Variants in OR56A4 observed in about 807,000 individuals in gnomAD.
The protein encoded by OR56A4 is olfactory receptor 56A4.
In OR56A4, 9 loss-of-function variants were observed where a neutral mutation model predicts 13.6. The ratio of observed to expected loss-of-function variants is 0.66; its 90% CI spans 0.40 to 1.15. The LOEUF is 1.15. Among genes scored for constraint, OR56A4 ranks in the 50% most tolerant of loss-of-function variants. The pLI, the probability that OR56A4 is intolerant of heterozygous loss-of-function variation, is 0.01. For synonymous variants in OR56A4, 167 were observed against 153.9 expected (o/e 1.08, Z -0.63); for missense variants, 380 against 375.9 (o/e 1.01, Z -0.09).
In OR56A4 at chr11:6,002,684, C is replaced by G. The variant is rs1461141809; in HGVS notation, c.309G>C (p.Gln103His). 2 of 1,614,236 alleles carry G rather than the reference C, an allele frequency of 1.2e-6. No individual in the cohort carries two copies. ...RSISFPACFL[Q>H]MFIMNSFLTM... is the part of the protein sequence containing the mutation. ...TCAAAAAACTGTTCATGATGAACAT[C>G]TGGAGGAAGCAGGCTGGGAAGCTGA... Residue 103 changes from glutamine to histidine, a missense_variant, in exon 3 of 3, where the codon CAG (glutamine) becomes CAC (histidine). Coordinates refer to ENST00000641156, the MANE Select transcript of OR56A4 (RefSeq NM_001005179.4).
rs1052345269 is a variant in OR56A4, at chr11:6,000,563, T to G, written c.*1488A>C. 1.3e-5 allele frequency: 2 copies of G among 152,092 alleles called. No homozygotes were observed. Among genetic ancestry groups the G allele is most frequent in the Non-Finnish European group, 2.9e-5 (2 of 68,026 alleles). 9.4% of individuals were successfully genotyped at this position (152,092 alleles called of 1,614,324 possible). A position where few individuals can be genotyped will look rare whatever the true frequency, so the allele number is the denominator to read the frequency against. ...CGCCAACATGGCACATGTATACATA[T>G]GTAACAAACCTGCACATTGTGCACA... On this transcript the variant is annotated 3_prime_UTR_variant, in exon 3 of 3. Transcript: ENST00000641156.
intron 2 of OR56A4, among the ~76,000 whole-genome samples, chr11:6,005,974 T>A (rs1450074969): frequency 2.6e-5 from 4 of 152,206 alleles, no homozygotes; most frequent in African/African-American, 9.7e-5. Flanking sequence ...GGGAGGCTTT[T>A]TGGAGAGTCC....
intron 2 of OR56A4, among the ~76,000 whole-genome samples, chr11:6,005,031 T>C (rs1056867855): frequency 6.6e-6 from 1 of 151,992 alleles, no homozygotes; most frequent in Admixed American, 6.6e-5. Context: ...AATGAAGCAG[T>C]GTAATGTGGT....
At chr11:6,004,706 A>G (rs527977286) in intron 2 of OR56A4, among the ~76,000 whole-genome samples, 1 of 152,332 alleles carries the variant, frequency 6.6e-6, no homozygotes, top group East Asian at 1.9e-4. Context: ...CTGATTAGGA[A>G]AATGACCCTC....
intron 2 of OR56A4, among the ~76,000 whole-genome samples, chr11:6,004,424 C>A (rs560863977): frequency 7.2e-5 from 11 of 152,258 alleles, no homozygotes; most frequent in African/African-American, 2.4e-4. Flanking sequence ...TGATCTTTCA[C>A]CCCTGTCCCA....
At chr11:6,005,275 G>T (rs1412725922) in intron 2 of OR56A4, among the ~76,000 whole-genome samples, 2 of 152,132 alleles carry the variant, frequency 1.3e-5, no homozygotes, top group East Asian at 3.9e-4. Flanking sequence ...AAAAAATGAG[G>T]TAACATTTCG....
chr11:6,005,222 G>A (rs1042653147), intron 2 of OR56A4, among the ~76,000 whole-genome samples: 1 of 152,120 alleles, frequency 6.6e-6, no homozygotes, highest in Non-Finnish European at 1.5e-5. Flanking sequence ...CTGAAGTTCT[G>A]TTAGGTCAAA....
chr11:6,005,400 C>T (rs777427136), intron 2 of OR56A4, among the ~76,000 whole-genome samples: 2 of 152,148 alleles, frequency 1.3e-5, no homozygotes, highest in African/African-American at 2.4e-5. Flanking sequence ...ATCCCAAGTT[C>T]TTTGGGGAAA....
In OR56A4 at chr11:6,001,508, A is replaced by C. The variant is rs959747162; in HGVS notation, c.*543T>G. The C allele has an allele frequency of 6.6e-6, 1 of 152,554 alleles. No homozygotes were observed. Among genetic ancestry groups the C allele is most frequent in the Non-Finnish European group, 1.5e-5 (1 of 68,336 alleles). 9.5% of individuals were successfully genotyped at this position (152,554 alleles called of 1,614,324 possible). ...AGAATTTTAGGAGCCAGTGAATAGC[A>C]CATCTGCCTCAGGTGCCATGGAAGA... On this transcript the variant is annotated 3_prime_UTR_variant, in exon 3 of 3. Coordinates refer to ENST00000641156, the MANE Select transcript of OR56A4 (RefSeq NM_001005179.4).
chr11:6,000,455 G>C lies in OR56A4; in HGVS notation c.*1596C>G, dbSNP rs1177038932. The C allele has an allele frequency of 2.0e-5, 3 of 152,188 alleles. No homozygotes were observed. The highest frequency in any genetic ancestry group is 7.2e-5 in the African/African-American group (3 of 41,426). The allele number at this position is 152,188 out of a possible 1,614,324, so 9.4% of individuals were successfully genotyped here. A position where few individuals can be genotyped will look rare whatever the true frequency, so the allele number is the denominator to read the frequency against. ...AGGAAGGGGAACATCACACACCGGG[G>C]ACTGTTGTGGGTTAGGGGGAGTGGG... On this transcript the variant is annotated 3_prime_UTR_variant, in exon 3 of 3. Coordinates refer to ENST00000641156, the MANE Select transcript of OR56A4 (RefSeq NM_001005179.4).
Position 6,001,934 on chromosome 11 carries a change from T to A in OR56A4, c.*117A>T, listed in dbSNP as rs1848215315. 9.8e-7 allele frequency: 1 copy of A among 1,022,798 alleles called. No individual in the cohort carries two copies. Among genetic ancestry groups the A allele is most frequent in the African/African-American group, 1.6e-5 (1 of 62,004 alleles). The allele number at this position is 1,022,798 out of a possible 1,614,324, so 63.4% of individuals were successfully genotyped here. A position where few individuals can be genotyped will look rare whatever the true frequency, so the allele number is the denominator to read the frequency against. ...GCCTGAGATATTGAGAACAGAAGAATCCGAACTCAGGCAGGATTTAAAGTG... is the reference window on the plus strand; with the variant it reads ...GCCTGAGATATTGAGAACAGAAGAAACCGAACTCAGGCAGGATTTAAAGTG... On this transcript the variant is annotated 3_prime_UTR_variant, in exon 3 of 3. Coordinates refer to ENST00000641156, the MANE Select transcript of OR56A4 (RefSeq NM_001005179.4).
intron 2 of OR56A4, chr11:6,003,328 T>C (rs2133574551): frequency 2.1e-6 from 1 of 481,794 alleles, no homozygotes; most frequent in East Asian, 3.2e-5. Context: ...CCACGCAGTT[T>C]AAAAACCAGC....
intron 2 of OR56A4, among the ~76,000 whole-genome samples, chr11:6,005,487 G>T (rs978360701): frequency 6.6e-6 from 1 of 152,196 alleles, no homozygotes; most frequent in Admixed American, 6.5e-5. Context: ...TTAGAAGTCT[G>T]TCTGATGGTA....
chr11:6,004,331 C>G (rs1448068561), intron 2 of OR56A4, among the ~76,000 whole-genome samples: 1 of 151,366 alleles, frequency 6.6e-6, no homozygotes, highest in Non-Finnish European at 1.5e-5. Context: ...TCCGGCCTGG[C>G]AACAAAATGA....
chr11:6,003,290 G>A, intron 2 of OR56A4: 2 of 534,844 alleles, frequency 3.7e-6, no homozygotes. Flanking sequence ...TAGAGATAAG[G>A]GAAAATTGTA....
chr11:6,006,700 A>C (rs930229764), intron 1 of OR56A4, among the ~76,000 whole-genome samples: 1 of 152,206 alleles, frequency 6.6e-6, no homozygotes, highest in Non-Finnish European at 1.5e-5. Flanking sequence ...TTCAGTCTAC[A>C]AGCCATGAAA....
At position 5,999,685 on chromosome 11, in the gene OR56A4, A is replaced by G. The variant is rs984794586; in HGVS notation, c.*2366T>C. 1 of 152,232 alleles carries G rather than the reference A, an allele frequency of 6.6e-6. No individual in the cohort carries two copies. Among genetic ancestry groups the G allele is most frequent in the Non-Finnish European group, 1.5e-5 (1 of 68,032 alleles). The allele number at this position is 152,232 out of a possible 1,614,324, so 9.4% of individuals were successfully genotyped here. Reference sequence around the variant, plus strand: ...TTGTTTCCAAGTAGTTATTAAAGAAAATGAGAGATGAGAGATCACTTATAA... The same window carrying G: ...TTGTTTCCAAGTAGTTATTAAAGAAGATGAGAGATGAGAGATCACTTATAA... On this transcript the variant is annotated 3_prime_UTR_variant, in exon 3 of 3. Coordinates refer to ENST00000641156, the MANE Select transcript of OR56A4 (RefSeq NM_001005179.4).
chr11:6,001,042 T>C lies in OR56A4; in HGVS notation c.*1009A>G, dbSNP rs1208213551. The C allele has an allele frequency of 6.6e-6, 1 of 152,248 alleles. No individual in the cohort carries two copies. Among genetic ancestry groups the C allele is most frequent in the Admixed American group, 6.5e-5 (1 of 15,288 alleles). 9.4% of individuals were successfully genotyped at this position (152,248 alleles called of 1,614,324 possible). A position where few individuals can be genotyped will look rare whatever the true frequency, so the allele number is the denominator to read the frequency against. ...CCAAAAGAGACAGATTAAGACTGTT[T>C]ATATTCCTTGGAGATACTGAACTGT... On this transcript the variant is annotated 3_prime_UTR_variant, in exon 3 of 3. Transcript: ENST00000641156.
In OR56A4 at chr11:6,003,099, C is replaced by T. The variant is rs1480923150; in HGVS notation, c.-36-71G>A. 3.1e-6 allele frequency: 5 copies of T among 1,605,770 alleles called. No homozygotes were observed. In the African/African-American group the frequency reaches 4.0e-5, roughly 13 times the overall value. Reference sequence around the variant, plus strand: ...AGACGTAGTAGAGTGTGGGTTTCCACTGAGGCCCTGTATCTGTCCCAATAA... The same window carrying T: ...AGACGTAGTAGAGTGTGGGTTTCCATTGAGGCCCTGTATCTGTCCCAATAA... On this transcript the variant is annotated intron_variant, in intron 2 of 2. Coordinates refer to ENST00000641156, the MANE Select transcript of OR56A4 (RefSeq NM_001005179.4).
Sources: allele counts gnomAD v4.1 joint callset (sites outside exome capture counted in the v4.1 genomes callset), GRCh38; gene constraint gnomAD v4.1.1; transcripts MANE v1.5; gene names NCBI Gene and HGNC (gene_info 2026-07-23, HGNC 2026-07-21).